AFF4: variants seen among roughly 807,000 people sequenced by gnomAD.
The protein encoded by AFF4 is ALF transcription elongation factor 4, also known as AF4/FMR2 family member 4.
In AFF4, 13 loss-of-function variants were observed where a neutral mutation model predicts 124.8. The observed-to-expected ratio is 0.10, with a 90% CI of 0.07 to 0.17. The LOEUF (loss-of-function observed/expected upper bound fraction) is 0.17. Among genes scored for constraint, AFF4 ranks in the 10% least tolerant of loss-of-function variants. The pLI is 1.00. For synonymous variants in AFF4, 477 were observed against 496.1 expected (o/e 0.96, Z 0.51); for missense variants, 1,092 against 1,403.8 (o/e 0.78, Z 3.55).
chr5:132,898,490 C>CT (rs34333760), intron 9 of AFF4, 98 bp from the exon 10 acceptor site: 15,799 of 979,970 alleles, frequency 0.016, no homozygotes, highest in East Asian at 0.03. Flanking sequence ...TTCTTCTTGT[C>CT]TTTTTTTTTT....
chr5:132,954,399 T>C (rs1478892514), intron 1 of AFF4, among the ~76,000 whole-genome samples: 2 of 152,122 alleles, frequency 1.3e-5, no homozygotes, highest in African/African-American at 4.8e-5. Flanking sequence ...CTCAAACCCC[T>C]TGTGGGAGGG....
chr5:132,936,214 C>G (rs1468618060), intron 2 of AFF4, among the ~76,000 whole-genome samples: 1 of 144,452 alleles, frequency 6.9e-6, no homozygotes, highest in Admixed American at 7.2e-5. Context: ...TTGCAGTGAG[C>G]CCAGATCGCG....
At chr5:132,886,897 T>C (rs1024916689) in intron 17 of AFF4, among the ~76,000 whole-genome samples, 2 of 152,208 alleles carry the variant, frequency 1.3e-5, no homozygotes, top group Non-Finnish European at 2.9e-5. Flanking sequence ...ATCCAGCCCT[T>C]GTACATGTTG....
At chr5:132,932,943 T>G (rs1410581524) in intron 3 of AFF4, among the ~76,000 whole-genome samples, 1 of 152,214 alleles carries the variant, frequency 6.6e-6, no homozygotes, top group African/African-American at 2.4e-5. Context: ...CCACTCAAAA[T>G]GAGTTTCCCA....
intron 1 of AFF4, among the ~76,000 whole-genome samples, chr5:132,940,659 G>T (rs894859345): frequency 6.6e-6 from 1 of 152,270 alleles, no homozygotes; most frequent in East Asian, 1.9e-4. Context: ...AAAGAAACTG[G>T]TTTTTTAAAC....
At chr5:132,881,846 A>G (rs1298098050) in intron 20 of AFF4, among the ~76,000 whole-genome samples, 1 of 116,630 alleles carries the variant, frequency 8.6e-6, no homozygotes, top group Non-Finnish European at 1.8e-5. Context: ...TTTTTTTTTT[A>G]GTAGAGATGG....
Position 132,877,476 on chromosome 5 carries a change from T to C in AFF4, c.*3583A>G. 1 of 214,552 alleles carries C rather than the reference T, an allele frequency of 4.7e-6. No individual in the cohort carries two copies. The highest frequency in any genetic ancestry group is 9.4e-6 in the Non-Finnish European group (1 of 106,056). The allele number at this position is 214,552 out of a possible 1,614,324, so 13.3% of individuals were successfully genotyped here. A position where few individuals can be genotyped will look rare whatever the true frequency, so the allele number is the denominator to read the frequency against. On this transcript the variant is annotated 3_prime_UTR_variant, in exon 21 of 21. Transcript: ENST00000265343. ...TGGAAATAGTTGCACTAAGCTAAAA[T>C]ACTAAACACACACATATTTGACAAA...
chr5:132,921,695 A>G (rs532032750), intron 5 of AFF4, among the ~76,000 whole-genome samples: 5 of 151,414 alleles, frequency 3.3e-5, no homozygotes, highest in African/African-American at 1.2e-4. Flanking sequence ...TCAAATCCCA[A>G]CCTCAGGTGA....
chr5:132,926,474 G>A (rs1407220309), intron 5 of AFF4, among the ~76,000 whole-genome samples: 1 of 151,766 alleles, frequency 6.6e-6, no homozygotes, highest in Non-Finnish European at 1.5e-5. Flanking sequence ...TAAAACAACA[G>A]TTTGAGAAGC....
intron 5 of AFF4, among the ~76,000 whole-genome samples, chr5:132,908,508 C>T (rs1021472416): frequency 7.2e-4 from 110 of 151,768 alleles, no homozygotes; most frequent in African/African-American, 2.6e-3. Context: ...TTCCATGTTC[C>T]TTGTTGTAAA....
intron 1 of AFF4, among the ~76,000 whole-genome samples, chr5:132,961,408 G>T (rs768821173): frequency 6.6e-6 from 1 of 152,006 alleles, no homozygotes; most frequent in Non-Finnish European, 1.5e-5. Context: ...GTAGAGACGG[G>T]GTTTCATTAT....
rs2150061212 is a variant in AFF4 at position 132,880,679 on chromosome 5, AAC to A, written c.*378_*379del. On this transcript the variant is annotated 3_prime_UTR_variant, in exon 21 of 21. Transcript: ENST00000265343. Reference sequence around the variant, plus strand: ...TACATTAAATTTATGCTAAATATTCAACAGAGTAAATTTATAGGCAGAAATAA... The same window carrying A: ...TACATTAAATTTATGCTAAATATTCAAGAGTAAATTTATAGGCAGAAATAA... 1.0e-5 allele frequency: 3 copies of A among 298,532 alleles called. No homozygotes were observed. The highest frequency in any genetic ancestry group is 1.2e-5 in the Non-Finnish European group (2 of 163,466). The allele number at this position is 298,532 out of a possible 1,614,324, so 18.5% of individuals were successfully genotyped here. A position where few individuals can be genotyped will look rare whatever the true frequency, so the allele number is the denominator to read the frequency against.
intron 14 of AFF4, among the ~76,000 whole-genome samples, chr5:132,888,864 A>G (rs1052166331): frequency 3.3e-5 from 5 of 152,118 alleles, no homozygotes; most frequent in Non-Finnish European, 1.5e-5. Context: ...CGCCCAGCTA[A>G]TTTTTGTATT....
chr5:132,909,962 C>A (rs892077413), intron 5 of AFF4, among the ~76,000 whole-genome samples: 1 of 152,150 alleles, frequency 6.6e-6, no homozygotes, highest in African/African-American at 2.4e-5. Flanking sequence ...GAACAGAATA[C>A]AAAGAGAAGA....
chr5:132,942,144 T>C (rs1362626102), intron 1 of AFF4, among the ~76,000 whole-genome samples: 1 of 152,186 alleles, frequency 6.6e-6, no homozygotes, highest in African/African-American at 2.4e-5. Flanking sequence ...CCACTTTTGA[T>C]GTCAATCCCA....
chr5:132,941,813 G>A (rs1256844612), intron 1 of AFF4, among the ~76,000 whole-genome samples: 2 of 152,010 alleles, frequency 1.3e-5, no homozygotes, highest in Non-Finnish European at 2.9e-5. Flanking sequence ...TTTGAGATGA[G>A]CCTGGCCAAC....
In AFF4 at chr5:132,896,910, CT is replaced by C; in HGVS notation, c.1719del (p.Ala574LeufsTer9). 6.2e-7 allele frequency: 1 copy of C among 1,614,184 alleles called. No homozygotes were observed. Among genetic ancestry groups the C allele is most frequent in the South Asian group, 1.1e-5 (1 of 91,084 alleles). On this transcript the variant is annotated frameshift_variant, in exon 11 of 21. Transcript: ENST00000265343. LOFTEE classifies it high-confidence loss of function. Reference protein sequence around the residue: ...GKKQPKKAEKAAAEEPRGGLK... With the variant: ...GKKQPKKAEKXAAEEPRGGLK... Reference sequence around the variant, plus strand: ...AGGCCTCCACGAGGCTCTTCAGCAGCTGCCTTCTCAGCCTTTTTGGGTTGTT... The same window carrying C: ...AGGCCTCCACGAGGCTCTTCAGCAGCGCCTTCTCAGCCTTTTTGGGTTGTT...
intron 5 of AFF4, among the ~76,000 whole-genome samples, chr5:132,911,358 G>A (rs1450199795): frequency 2.0e-5 from 3 of 152,042 alleles, no homozygotes; most frequent in Non-Finnish European, 4.4e-5. Flanking sequence ...CAGGAACATA[G>A]TAAGAAGTTA....
intron 5 of AFF4, among the ~76,000 whole-genome samples, chr5:132,916,998 G>A (rs926131322): frequency 3.3e-5 from 5 of 151,890 alleles, no homozygotes; most frequent in African/African-American, 1.2e-4. Context: ...TTGGCTCACC[G>A]CAACCTCCAC....
Sources: allele counts gnomAD v4.1 joint callset (sites outside exome capture counted in the v4.1 genomes callset), GRCh38; gene constraint gnomAD v4.1.1; transcripts MANE v1.5; gene names NCBI Gene and HGNC (gene_info 2026-07-23, HGNC 2026-07-21).